The following CENPU variants were observed in gnomAD, a reference collection of about 807,000 sequenced individuals.
CENPU encodes KSHV latent nuclear antigen interacting protein 1.
In CENPU, 46 loss-of-function variants were observed where a neutral mutation model predicts 56.7. That is an observed-to-expected ratio of 0.81 (90% CI 0.64 to 1.04). CENPU has a LOEUF of 1.04. Ranked by LOEUF, CENPU falls within the 50% of genes least tolerant of loss-of-function variation. CENPU has a pLI of 0.00. For missense variants in CENPU, 510 were observed against 490.1 expected (o/e 1.04, Z -0.38); for synonymous variants, 166 against 163.0 (o/e 1.02, Z -0.14).
rs375745009 is a variant in CENPU, at chr4:184,700,886, G to C, written c.925-5C>G. On this transcript the variant is annotated splice_region_variant and splice_polypyrimidine_tract_variant and intron_variant, in intron 10 of 12. Transcript: ENST00000281453. ...CTTTTCGATATCTGAAATCATCTAA[G>C]TAACACAATCATTTGTGTTAAAATT... The C allele has an allele frequency of 1.2e-6, 2 of 1,609,036 alleles. No individual in the cohort carries two copies. The highest frequency in any genetic ancestry group is 1.7e-6 in the Non-Finnish European group (2 of 1,175,468).
At position 184,733,997 on chromosome 4, in the gene CENPU, G is replaced by C. The variant is rs556419109; in HGVS notation, c.47+19C>G. ...AGCTGGTCTCCGGCCCCGCGCTCCC[G>C]AGGGTCGGCAGTACTTACCCCTCAG... On this transcript the variant is annotated intron_variant, in intron 1 of 12. Transcript: ENST00000281453. 2 of 1,610,304 alleles carry C rather than the reference G, an allele frequency of 1.2e-6. No homozygotes were observed. Among genetic ancestry groups the C allele is most frequent in the South Asian group, 1.1e-5 (1 of 90,798 alleles).
rs943309086 is a variant in CENPU, at chr4:184,694,847, A to G, written c.*441T>C. 1.5e-6 allele frequency: 2 copies of G among 1,337,224 alleles called. No individual in the cohort carries two copies. The highest frequency in any genetic ancestry group is 2.1e-6 in the Non-Finnish European group (2 of 955,066). 82.8% of individuals were successfully genotyped at this position (1,337,224 alleles called of 1,614,324 possible). The stretch of plus-strand genomic sequence containing the variant: ...CTGATGTCTGTGAGATTTGATAAAT[A>G]TATCATTCAACCTGTTTATATAAAC... On this transcript the variant is annotated 3_prime_UTR_variant, in exon 13 of 13. Transcript: ENST00000281453.
At chr4:184,702,575 C>CT (rs1408651719) in intron 8 of CENPU, 134 bp from the exon 9 acceptor site, 4 of 560,718 alleles carry the variant, frequency 7.1e-6, no homozygotes, top group Admixed American at 7.2e-5. Flanking sequence ...TCTTTAATCT[C>CT]TTATTTTTAA....
chr4:184,709,013 A>G (rs1306354075), intron 8 of CENPU, among the ~76,000 whole-genome samples: 1 of 149,192 alleles, frequency 6.7e-6, no homozygotes, highest in African/African-American at 2.4e-5. Flanking sequence ...CAAAAAGTAG[A>G]ATAAAAAAGT....
In CENPU at chr4:184,695,267, C is replaced by T. The variant is rs1004453102; in HGVS notation, c.*21G>A. Reference sequence around the variant, plus strand: ...CATGAGACTAGTCTTCCTATAGGCACATTTTAGTAGACTGCTCTTCTCATC... The same window carrying T: ...CATGAGACTAGTCTTCCTATAGGCATATTTTAGTAGACTGCTCTTCTCATC... On this transcript the variant is annotated 3_prime_UTR_variant, in exon 13 of 13. Transcript: ENST00000281453. 3 of 1,516,710 alleles carry T rather than the reference C, an allele frequency of 2.0e-6. No homozygotes were observed. Among genetic ancestry groups the T allele is most frequent in the Non-Finnish European group, 2.7e-6 (3 of 1,091,724 alleles). 94.0% of individuals were successfully genotyped at this position (1,516,710 alleles called of 1,614,324 possible).
At chr4:184,713,999 C>T (rs933730288) in intron 6 of CENPU, 12 of 152,266 alleles carry the variant, frequency 7.9e-5, no homozygotes, top group Non-Finnish European at 1.8e-4. Context: ...GGGATAACAA[C>T]ATAACTGATA....
chr4:184,694,663 T>C lies in CENPU; in HGVS notation c.*625A>G, dbSNP rs1228621446. 1.1e-5 allele frequency: 17 copies of C among 1,614,066 alleles called. No homozygotes were observed. The highest frequency in any genetic ancestry group is 1.7e-5 in the Admixed American group (1 of 60,004). On this transcript the variant is annotated 3_prime_UTR_variant, in exon 13 of 13. Transcript: ENST00000281453. Reference sequence around the variant, plus strand: ...TAATGGCATTGATGATGCTTATTTTTTAGAAGCTACTGAAGATGCTGAATT... The same window carrying C: ...TAATGGCATTGATGATGCTTATTTTCTAGAAGCTACTGAAGATGCTGAATT...
intron 8 of CENPU, among the ~76,000 whole-genome samples, chr4:184,709,579 G>C (rs149132741): frequency 6.6e-6 from 1 of 152,060 alleles, no homozygotes; most frequent in East Asian, 1.9e-4. Flanking sequence ...GTATGTTTAG[G>C]AATAGAGTGG....
intron 3 of CENPU, 21 bp from the exon 4 acceptor site, chr4:184,725,083 A>G: frequency 6.6e-7 from 1 of 1,507,566 alleles, no homozygotes; most frequent in South Asian, 1.2e-5. Context: ...ACAAAAAAGA[A>G]GCACAACTTT....
chr4:184,714,518 A>C (rs1021662369), intron 6 of CENPU, among the ~76,000 whole-genome samples: 1 of 152,236 alleles, frequency 6.6e-6, no homozygotes, highest in African/African-American at 2.4e-5. Flanking sequence ...TAATATTGTT[A>C]TGTAATTACA....
In CENPU at chr4:184,702,444, G is replaced by A; in HGVS notation, c.798-3C>T. On this transcript the variant is annotated splice_region_variant and splice_polypyrimidine_tract_variant and intron_variant, in intron 8 of 12. Transcript: ENST00000281453. ...AAACTTTAGATTCTATTCTTTGTCT[G>A]TAGAGGAATTAAAAAAAAGTCTAAG... The A allele has an allele frequency of 1.9e-6, 3 of 1,598,070 alleles. No individual in the cohort carries two copies. Among genetic ancestry groups the A allele is most frequent in the African/African-American group, 1.4e-5 (1 of 73,910 alleles).
chr4:184,717,352 T>C (rs1761128245), intron 4 of CENPU, among the ~76,000 whole-genome samples, 156 bp from the exon 5 acceptor site: 1 of 152,252 alleles, frequency 6.6e-6, no homozygotes, highest in South Asian at 2.1e-4. Flanking sequence ...GGTTTACTGC[T>C]GCCTCCCACA....
chr4:184,701,604 G>A (rs1579758613), intron 10 of CENPU, among the ~76,000 whole-genome samples: 2 of 152,096 alleles, frequency 1.3e-5, no homozygotes, highest in Non-Finnish European at 2.9e-5. Context: ...CTTATAGGTG[G>A]TATAGCAATG....
intron 10 of CENPU, 93 bp downstream of exon 10, chr4:184,701,996 C>A: frequency 2.5e-6 from 2 of 790,054 alleles, no homozygotes; most frequent in South Asian, 1.5e-5. Context: ...TCTACTCACA[C>A]TCTAAAGGCT....
chr4:184,705,532 T>C (rs1406191199), intron 8 of CENPU, among the ~76,000 whole-genome samples: 1 of 151,984 alleles, frequency 6.6e-6, no homozygotes, highest in Non-Finnish European at 1.5e-5. Context: ...TATTATTCCT[T>C]ACAACTGCAC....
At position 184,715,926 on chromosome 4, in the gene CENPU, G is replaced by T. The variant is rs868267843; in HGVS notation, c.618+471C>A. On this transcript the variant is annotated intron_variant, in intron 6 of 12. Transcript: ENST00000281453. The stretch of plus-strand genomic sequence containing the variant: ...TTTATCTTCTTTTCCATACCTTCTA[G>T]CTTTTTTTTTGTTTTTTTTTTTTTA... Among the ~76,000 whole-genome samples, 117 of 135,608 alleles carry T rather than the reference G, an allele frequency of 8.6e-4. No homozygotes were observed. The Middle Eastern group carries it at 0.02, about 23-fold the overall frequency. The allele number at this position is 135,608 out of a possible 152,430, so 89.0% of individuals were successfully genotyped here.
At chr4:184,702,935 G>C (rs1014571073) in intron 8 of CENPU, among the ~76,000 whole-genome samples, 9 of 152,062 alleles carry the variant, frequency 5.9e-5, no homozygotes, top group African/African-American at 2.2e-4. Flanking sequence ...AGTATTCCAT[G>C]GTCTATATGT....
chr4:184,726,972 G>C (rs1005891391), intron 3 of CENPU, among the ~76,000 whole-genome samples: 1 of 81,260 alleles, frequency 1.2e-5, no homozygotes. Flanking sequence ...GGTCCTGGGG[G>C]GTGGGGGGGG....
chr4:184,730,588 T>C (rs957804746), intron 2 of CENPU, among the ~76,000 whole-genome samples: 6 of 81,848 alleles, frequency 7.3e-5, no homozygotes, highest in Admixed American at 1.6e-4. Flanking sequence ...CTAAGTGGAG[T>C]ATCATGAAAT....
Sources: gnomAD v4.1 joint callset for allele counts (sites outside exome capture counted in the v4.1 genomes callset) on GRCh38, gnomAD v4.1.1 for gene constraint, MANE v1.5 for transcripts, NCBI Gene and HGNC (gene_info 2026-07-23, HGNC 2026-07-21) for gene names.